The following ERG variants were observed in gnomAD, a reference collection of about 807,000 sequenced individuals.
ERG encodes the protein ETS transcription factor ERG.
A neutral mutation model predicts 55.3 loss-of-function variants in ERG; 9 were observed. That is an observed-to-expected ratio of 0.16 (90% CI 0.10 to 0.28). The LOEUF (loss-of-function observed/expected upper bound fraction) is 0.28, where lower values mean the gene tolerates loss of function less well. Among genes scored for constraint, ERG ranks in the 10% least tolerant of loss-of-function variants. ERG has a pLI of 1.00. For missense variants in ERG, 434 were observed against 631.6 expected (o/e 0.69, Z 3.35); for synonymous variants, 223 against 237.3 (o/e 0.94, Z 0.55).
At chr21:38,645,963 T>C (rs2836588) in intron 1 of ERG, among the ~76,000 whole-genome samples, 9,416 of 152,082 alleles carry the variant, frequency 0.062, 930 homozygotes, top group African/African-American at 0.21. Flanking sequence ...ACATTCTGAG[T>C]TGGATGCAAC....
intron 3 of ERG, among the ~76,000 whole-genome samples, chr21:38,419,762 T>G (rs1419755159): frequency 6.6e-6 from 1 of 152,202 alleles, no homozygotes. Context: ...ATGGGCTTTT[T>G]TTTGACACTT....
chr21:38,501,669 C>A (rs1052425179), upstream of ERG, among the ~76,000 whole-genome samples: 5 of 152,126 alleles, frequency 3.3e-5, no homozygotes, highest in African/African-American at 9.7e-5. Flanking sequence ...CCTATCAGGG[C>A]AGGGTCCTTT....
At chr21:38,496,865 C>A (rs535730342) in intron 1 of ERG, among the ~76,000 whole-genome samples, 36 of 152,174 alleles carry the variant, frequency 2.4e-4, no homozygotes, top group Admixed American at 9.2e-4. Context: ...GGAAAAAAAA[C>A]CACATAAGAT....
At chr21:38,552,674 A>G (rs1853995012) in intron 2 of ERG, among the ~76,000 whole-genome samples, 1 of 151,778 alleles carries the variant, frequency 6.6e-6, no homozygotes, top group African/African-American at 2.4e-5. Flanking sequence ...GCATTGAAAG[A>G]ACATACCTCA....
At chr21:38,424,421 C>T (rs1989723129) in intron 2 of ERG, among the ~76,000 whole-genome samples, 1 of 152,194 alleles carries the variant, frequency 6.6e-6, no homozygotes, top group African/African-American at 2.4e-5. Flanking sequence ...GGACAGTGCC[C>T]ATACTGGCTA....
chr21:38,381,920 G>A lies in ERG; in HGVS notation c.*1483C>T. On this transcript the variant is annotated 3_prime_UTR_variant, in exon 10 of 10. Transcript: ENST00000288319. ...ATTTCCTTGGCTCTCCCTTGCACAA[G>A]TTCCTGGACAAAGTAAATTATAACA... 9.4e-7 allele frequency: 1 copy of A among 1,063,190 alleles called. No individual in the cohort carries two copies. Among genetic ancestry groups the A allele is most frequent in the Non-Finnish European group, 1.1e-6 (1 of 877,960 alleles). 65.9% of individuals were successfully genotyped at this position (1,063,190 alleles called of 1,614,324 possible). A position where few individuals can be genotyped will look rare whatever the true frequency, so the allele number is the denominator to read the frequency against.
At chr21:38,515,122 TTAA>T (rs371879950) in intron 2 of ERG, among the ~76,000 whole-genome samples, 17 of 152,012 alleles carry the variant, frequency 1.1e-4, no homozygotes, top group African/African-American at 4.1e-4. Flanking sequence ...ATTGAAAAAC[TTAA>T]TAATCAAAGG....
At chr21:38,431,404 T>C (rs1045483308) in intron 2 of ERG, among the ~76,000 whole-genome samples, 3 of 152,314 alleles carry the variant, frequency 2.0e-5, no homozygotes, top group Admixed American at 6.5e-5. Flanking sequence ...TTTATAAATA[T>C]GTATAGTGGT....
chr21:38,650,448 C>A lies in ERG; in HGVS notation c.-150+11210G>T, dbSNP rs146269883. Among the ~76,000 whole-genome samples, 439 of 152,222 alleles carry A rather than the reference C, an allele frequency of 2.9e-3. 1 individual carries two copies. The highest frequency in any genetic ancestry group is 9.9e-3 in the African/African-American group (410 of 41,550). ...CTCATGAGTTCCAGACCAGCCTGGG[C>A]AACATGGCGAAACCCTGTCTCTACT... On this transcript the variant is annotated intron_variant, in intron 1 of 10. Transcript: ENST00000398910.
chr21:38,556,030 C>T (rs1173316203), intron 2 of ERG, among the ~76,000 whole-genome samples: 1 of 151,492 alleles, frequency 6.6e-6, no homozygotes, highest in Admixed American at 6.6e-5. Context: ...ATATAACAGC[C>T]AAGAATCTGA....
At chr21:38,568,966 G>A (rs3827207) in intron 2 of ERG, among the ~76,000 whole-genome samples, 98,769 of 152,026 alleles carry the variant, frequency 0.65, 32,734 homozygotes, top group Middle Eastern at 0.74. Flanking sequence ...AGATGCTGTC[G>A]GCAGGACACA....
intron 3 of ERG, among the ~76,000 whole-genome samples, chr21:38,420,194 A>G (rs1454309444): frequency 6.6e-6 from 1 of 152,182 alleles, no homozygotes; most frequent in African/African-American, 2.4e-5. Flanking sequence ...AGGTGCCTGG[A>G]TACCATGGGG....
At chr21:38,443,880 A>T (rs2058864274) in intron 2 of ERG, among the ~76,000 whole-genome samples, 1 of 152,194 alleles carries the variant, frequency 6.6e-6, no homozygotes, top group Admixed American at 6.5e-5. Flanking sequence ...GAATCTCCTG[A>T]TGAGATTCAA....
At chr21:38,587,550 G>T (rs2060074012), upstream of ERG, among the ~76,000 whole-genome samples, 1 of 152,074 alleles carries the variant, frequency 6.6e-6, no homozygotes, top group Non-Finnish European at 1.5e-5. Context: ...TAGAGACGGG[G>T]TTTCATCGTG....
At chr21:38,454,937 A>T (rs961483933) in intron 1 of ERG, among the ~76,000 whole-genome samples, 4 of 152,132 alleles carry the variant, frequency 2.6e-5, no homozygotes, top group African/African-American at 9.7e-5. Flanking sequence ...TGGGTTTTCC[A>T]TTCAAATTCT....
At chr21:38,661,030 G>A (rs2060552253) in intron 1 of ERG, among the ~76,000 whole-genome samples, 1 of 151,946 alleles carries the variant, frequency 6.6e-6, no homozygotes, top group South Asian at 2.1e-4. Flanking sequence ...CGGAGGAGGA[G>A]GAAGAGGAGG....
At chr21:38,405,088 C>T (rs1337879440) in intron 3 of ERG, among the ~76,000 whole-genome samples, 1 of 152,108 alleles carries the variant, frequency 6.6e-6, no homozygotes, top group Non-Finnish European at 1.5e-5. Context: ...TTTCCCATTC[C>T]ATTCTCCTAC....
At chr21:38,399,872 C>T (rs776736215) in intron 6 of ERG, 20 of 174,720 alleles carry the variant, frequency 1.1e-4, no homozygotes, top group Non-Finnish European at 1.7e-4. Context: ...ACATCTAGAA[C>T]TGGAGGCAAA....
intron 1 of ERG, among the ~76,000 whole-genome samples, chr21:38,491,062 T>C (rs143357359): frequency 6.6e-6 from 1 of 152,290 alleles, no homozygotes; most frequent in Non-Finnish European, 1.5e-5. Context: ...CCACATACTT[T>C]TTTTTTCTTT....
Sources: gnomAD v4.1 joint callset for allele counts (sites outside exome capture counted in the v4.1 genomes callset) on GRCh38, gnomAD v4.1.1 for gene constraint, MANE v1.5 for transcripts, NCBI Gene and HGNC (gene_info 2026-07-23, HGNC 2026-07-21) for gene names.